Variants in ADAMTSL1 observed in about 807,000 individuals in gnomAD.
ADAMTSL1 encodes the protein ADAMTS like 1, also known as ADAMTS-like protein 1.
A neutral mutation model predicts 201.8 loss-of-function variants in ADAMTSL1; 126 were observed. The ratio of observed to expected loss-of-function variants is 0.62; its 90% CI spans 0.54 to 0.72. The LOEUF is 0.72. Ranked by LOEUF, ADAMTSL1 falls within the 30% of genes least tolerant of loss-of-function variation. The pLI is 0.00. For missense variants in ADAMTSL1, 2,679 were observed against 2,277.8 expected (o/e 1.18, Z -3.59); for synonymous variants, 1,121 against 903.4 (o/e 1.24, Z -4.32).
At chr9:18,761,663 T>C (rs1163202548) in intron 16 of ADAMTSL1, among the ~76,000 whole-genome samples, 10 of 152,222 alleles carry the variant, frequency 6.6e-5, no homozygotes, top group Non-Finnish European at 1.0e-4. Context: ...TCCTGCCTCT[T>C]GCATAAGAAC....
At chr9:18,129,636 G>C (rs72699464) in intron 1 of ADAMTSL1, among the ~76,000 whole-genome samples, 5,268 of 152,192 alleles carry the variant, frequency 0.035, 126 homozygotes, top group Non-Finnish European at 0.056. Flanking sequence ...TGTTTATTAA[G>C]TTAATCTTAT....
At chr9:18,675,967 A>C (rs926067944) in intron 10 of ADAMTSL1, 60 bp downstream of exon 10, 1 of 1,392,400 alleles carries the variant, frequency 7.2e-7, no homozygotes, top group Non-Finnish European at 1.0e-6. Flanking sequence ...CTGCTTATCT[A>C]TATATATAGA....
chr9:18,083,477 A>C (rs1823606275), intron 1 of ADAMTSL1, among the ~76,000 whole-genome samples: 1 of 152,208 alleles, frequency 6.6e-6, no homozygotes, highest in South Asian at 2.1e-4. Flanking sequence ...ATCACCCAAG[A>C]AAAATGTATG....
chr9:17,971,880 C>A (rs1055540478), intron 1 of ADAMTSL1, among the ~76,000 whole-genome samples: 1 of 151,828 alleles, frequency 6.6e-6, no homozygotes, highest in East Asian at 1.9e-4. Flanking sequence ...TTCTGTGATA[C>A]TAATCAGAAC....
At chr9:18,564,473 C>A (rs759433528) in intron 3 of ADAMTSL1, among the ~76,000 whole-genome samples, 1 of 152,214 alleles carries the variant, frequency 6.6e-6, no homozygotes, top group Non-Finnish European at 1.5e-5. Flanking sequence ...TTGCCAGCCC[C>A]TGCCTCACTT....
intron 1 of ADAMTSL1, among the ~76,000 whole-genome samples, chr9:18,030,874 C>G (rs1429758982): frequency 6.6e-6 from 1 of 151,976 alleles, no homozygotes; most frequent in Non-Finnish European, 1.5e-5. Context: ...ATTCATTTTT[C>G]TTTATTTTTG....
chr9:17,933,026 G>T (rs1826861353), intron 1 of ADAMTSL1, among the ~76,000 whole-genome samples: 1 of 152,258 alleles, frequency 6.6e-6, no homozygotes, highest in Non-Finnish European at 1.5e-5. Context: ...ACCATGCATG[G>T]TAGGTACTGC....
Position 18,770,624 on chromosome 9 carries a change from G to C in ADAMTSL1, c.2240G>C (p.Gly747Ala). 6.2e-7 allele frequency: 1 copy of C among 1,612,984 alleles called. No homozygotes were observed. The highest frequency in any genetic ancestry group is 8.5e-7 in the Non-Finnish European group (1 of 1,179,542). ...WQPCSRTCGG[G>A]VQKREVLCKQ... ...CAGTGTTCCAGAACGTGTGGCGGGG[G>C]TGTTCAGAAACGTGAGGTTCTTTGC... Residue 747 changes from glycine (G) to alanine (A), a missense_variant, in exon 17 of 29, where the codon GGT (glycine) becomes GCT (alanine). By Grantham distance (60) the Gly-to-Ala change is moderately conservative (BLOSUM62 0). Transcript: ENST00000380548.
intron 2 of ADAMTSL1, among the ~76,000 whole-genome samples, chr9:18,444,701 A>G (rs1820122162): frequency 6.6e-6 from 1 of 152,168 alleles, no homozygotes; most frequent in African/African-American, 2.4e-5. Context: ...GATGCAGATA[A>G]TAATAGTAGT....
chr9:18,011,884 A>G (rs2131558242), intron 1 of ADAMTSL1, among the ~76,000 whole-genome samples: 1 of 152,084 alleles, frequency 6.6e-6, no homozygotes, highest in African/African-American at 2.4e-5. Flanking sequence ...CTAGAATTAC[A>G]AGGGTAGGGC....
At chr9:18,737,777 C>T (rs951588338) in intron 15 of ADAMTSL1, among the ~76,000 whole-genome samples, 3 of 152,204 alleles carry the variant, frequency 2.0e-5, no homozygotes, top group Non-Finnish European at 2.9e-5. Flanking sequence ...CAAATAGACA[C>T]TGGCTGGCAA....
At chr9:18,122,782 T>C (rs746484169) in intron 1 of ADAMTSL1, among the ~76,000 whole-genome samples, 9 of 152,106 alleles carry the variant, frequency 5.9e-5, no homozygotes, top group Non-Finnish European at 8.8e-5. Context: ...GGTTGGTTTT[T>C]TGTTTTTGTT....
intron 1 of ADAMTSL1, among the ~76,000 whole-genome samples, chr9:18,082,283 G>A (rs1269833980): frequency 1.3e-5 from 2 of 152,110 alleles, no homozygotes; most frequent in Non-Finnish European, 2.9e-5. Flanking sequence ...AAACTACAGT[G>A]GACATTTGCA....
intron 2 of ADAMTSL1, among the ~76,000 whole-genome samples, chr9:18,227,790 A>G (rs1298435558): frequency 6.6e-6 from 1 of 152,102 alleles, no homozygotes; most frequent in African/African-American, 2.4e-5. Context: ...ATTATGTTAT[A>G]ATACATCATA....
chr9:18,773,303 A>C (rs1820796591), intron 17 of ADAMTSL1, among the ~76,000 whole-genome samples: 1 of 152,178 alleles, frequency 6.6e-6, no homozygotes, highest in African/African-American at 2.4e-5. Flanking sequence ...AAAAGGCCAT[A>C]CTTCTTTTCT....
intron 7 of ADAMTSL1, among the ~76,000 whole-genome samples, chr9:18,647,311 A>T (rs1476356519): frequency 2.6e-5 from 4 of 151,052 alleles, no homozygotes; most frequent in African/African-American, 9.7e-5. Flanking sequence ...GTGGTCTATC[A>T]ATTTTGTTGA....
chr9:18,488,146 T>C (rs1822091196), intron 1 of ADAMTSL1, among the ~76,000 whole-genome samples: 1 of 152,196 alleles, frequency 6.6e-6, no homozygotes, highest in Non-Finnish European at 1.5e-5. Flanking sequence ...TCATTCCCTA[T>C]CATCTGATGT....
In ADAMTSL1 at chr9:18,269,845, CT is replaced by C. The variant is rs11376831; in HGVS notation, c.207+105879del. Among the ~76,000 whole-genome samples, 1,146 of 145,514 alleles carry C rather than the reference CT, an allele frequency of 7.9e-3. 13 individuals carry two copies. Among genetic ancestry groups the C allele is most frequent in the South Asian group, 0.045 (205 of 4,566 alleles). The stretch of plus-strand genomic sequence containing the variant: ...GCAGAGAGTTTGTTTCCTCTTCATC[CT>C]TTTTTTTTTTTTTTAATTTGTGCAT... On this transcript the variant is annotated intron_variant, in intron 2 of 29. Coordinates refer to the ADAMTSL1 transcript ENST00000680146.
At chr9:18,187,494 G>A (rs533569936) in intron 2 of ADAMTSL1, among the ~76,000 whole-genome samples, 1 of 152,154 alleles carries the variant, frequency 6.6e-6, no homozygotes, top group African/African-American at 2.4e-5. Context: ...AGATTGCACA[G>A]TAATGTGTAT....
Sources: gnomAD v4.1 joint callset for allele counts (sites outside exome capture counted in the v4.1 genomes callset) on GRCh38, gnomAD v4.1.1 for gene constraint, MANE v1.5 for transcripts, NCBI Gene and HGNC (gene_info 2026-07-23, HGNC 2026-07-21) for gene names.